ADGRV1: variants seen among roughly 807,000 people sequenced by gnomAD.
ADGRV1 encodes adhesion G protein-coupled receptor V1.
Under a neutral mutation model 596.2 loss-of-function variants are expected in ADGRV1, and 359 were observed. The ratio of observed to expected loss-of-function variants is 0.60; its 90% CI spans 0.55 to 0.66. The LOEUF (loss-of-function observed/expected upper bound fraction) is 0.66, where lower values mean the gene tolerates loss of function less well. ADGRV1 is among the 30% of genes least tolerant of loss of function. ADGRV1 has a pLI of 0.00. For synonymous variants in ADGRV1, 2,681 were observed against 2,679.2 expected, an observed-to-expected ratio of 1.00 and a Z score of -0.02; for missense variants, 7,274 against 7,575.6, an observed-to-expected ratio of 0.96 and a Z score of 1.48.
chr5:90,920,496 G>A (rs773154745), intron 83 of ADGRV1, among the ~76,000 whole-genome samples: 2 of 151,892 alleles, frequency 1.3e-5, no homozygotes, highest in African/African-American at 2.4e-5. Context: ...TTACATTCAG[G>A]TGCCCACTAG....
chr5:90,691,709 T>C (rs1305956333), intron 31 of ADGRV1, among the ~76,000 whole-genome samples: 1 of 152,182 alleles, frequency 6.6e-6, no homozygotes, highest in African/African-American at 2.4e-5. Flanking sequence ...TCTTAACTTA[T>C]ATTTATACTC....
chr5:91,107,438 T>G (rs6884273), intron 87 of ADGRV1, among the ~76,000 whole-genome samples: 1 of 147,230 alleles, frequency 6.8e-6, no homozygotes, highest in African/African-American at 2.5e-5. Context: ...TTTTTGTTTT[T>G]GTTTTTGTTT....
intron 83 of ADGRV1, among the ~76,000 whole-genome samples, chr5:90,930,529 A>T (rs895583271): frequency 6.6e-6 from 1 of 152,206 alleles, no homozygotes; most frequent in East Asian, 1.9e-4. Context: ...TGTCAATGAA[A>T]CAGTATCATT....
At chr5:90,896,474 C>G (rs774517048) in intron 83 of ADGRV1, among the ~76,000 whole-genome samples, 3 of 151,696 alleles carry the variant, frequency 2.0e-5, no homozygotes, top group Non-Finnish European at 4.4e-5. Context: ...AGGGTTTTGC[C>G]ATGTTGCCCA....
intron 89 of ADGRV1, among the ~76,000 whole-genome samples, chr5:91,157,599 T>A (rs1796578790): frequency 6.6e-6 from 1 of 152,196 alleles, no homozygotes; most frequent in African/African-American, 2.4e-5. Context: ...CAACAGAACA[T>A]GTTTTTAAAT....
chr5:90,810,799 C>T lies in ADGRV1; in HGVS notation c.15539C>T (p.Thr5180Ile), dbSNP rs1182068897. The change falls in exon 74 of 90, where the codon ACT (threonine) becomes ATT (isoleucine). Residue 5180 changes from threonine (T) to isoleucine (I), a missense_variant. Around this residue, in one of 5 missense-constraint regions of ADGRV1, gnomAD observed 1,874 missense variants for 1,970.2 expected, o/e 0.95. Transcript: ENST00000405460. ...CCAACCAACGTGGTTGCCATTGTTA[C>T]TGAGGCAACTGGTGTATCTGCCATC... The part of the protein sequence containing the change: ...LQPTNVVAIV[T>I]EATGVSAIPE... 2 of 1,613,992 alleles carry T rather than the reference C, an allele frequency of 1.2e-6. No individual in the cohort carries two copies. Among genetic ancestry groups the T allele is most frequent in the East Asian group, 4.5e-5 (2 of 44,888 alleles).
At chr5:91,114,997 A>T (rs758558259) in intron 87 of ADGRV1, among the ~76,000 whole-genome samples, 21 of 152,124 alleles carry the variant, frequency 1.4e-4, no homozygotes, top group Non-Finnish European at 2.4e-4. Context: ...CTCACTGTAA[A>T]CTAGAAAGTC....
chr5:90,678,426 G>C (rs1209317460), intron 25 of ADGRV1, among the ~76,000 whole-genome samples: 8 of 151,352 alleles, frequency 5.3e-5, no homozygotes, highest in Admixed American at 6.6e-5. Context: ...TATTGCCAAA[G>C]TACTTTATAT....
intron 77 of ADGRV1, among the ~76,000 whole-genome samples, chr5:90,839,228 G>A (rs1765225775): frequency 6.6e-6 from 1 of 151,548 alleles, no homozygotes; most frequent in South Asian, 2.1e-4. Flanking sequence ...TTTGTTTTTT[G>A]TTTTGAGATG....
intron 86 of ADGRV1, among the ~76,000 whole-genome samples, chr5:91,096,392 GATGTAATCTCA>G (rs1181857167): frequency 6.6e-6 from 1 of 152,170 alleles, no homozygotes; most frequent in African/African-American, 2.4e-5. Context: ...AAAGAGATGT[GATGTAATCTCA>G]ATGGAATCTA....
chr5:90,911,363 C>T (rs1772873684), intron 83 of ADGRV1, among the ~76,000 whole-genome samples: 1 of 152,130 alleles, frequency 6.6e-6, no homozygotes, highest in Non-Finnish European at 1.5e-5. Flanking sequence ...CATTAGGAAG[C>T]ACCAGTGTGT....
chr5:90,686,153 C>CT lies in ADGRV1; in HGVS notation c.6490+167dup, dbSNP rs61571031. ...CTTTTTCAAGGGACAAATCTAGAGT[C>CT]TTTTTTTTTGGGGGGGGGGATGGAG... is the stretch of plus-strand genomic sequence containing the variant. On this transcript the variant is annotated intron_variant, in intron 29 of 89. Coordinates refer to ENST00000405460, the MANE Select transcript of ADGRV1 (RefSeq NM_032119.4). Among the ~76,000 whole-genome samples the CT allele has an allele frequency of 0.2, 28,271 of 141,962 alleles. 3,197 individuals are homozygous for CT. The highest frequency in any genetic ancestry group is 0.4 in the East Asian group (1,918 of 4,760). 93.1% of individuals were successfully genotyped at this position (141,962 alleles called of 152,430 possible).
chr5:90,666,115 A>C (rs1771321630), intron 21 of ADGRV1, among the ~76,000 whole-genome samples: 2 of 150,994 alleles, frequency 1.3e-5, no homozygotes, highest in African/African-American at 4.9e-5. Context: ...AGAGTTCTGT[A>C]GATGTCTATT....
chr5:90,674,276 G>A, intron 23 of ADGRV1, 42 bp downstream of exon 23: 1 of 1,467,776 alleles, frequency 6.8e-7, no homozygotes, highest in Non-Finnish European at 9.1e-7. Context: ...TCTTCTCTGG[G>A]TGTACTTAGT....
rs1164565971 is a variant in ADGRV1, at chr5:90,627,466, G to C, written c.928G>C (p.Gly310Arg). ...EVSISYAVTTGNSTAHAQQNL... is the reference protein window; with the variant it reads ...EVSISYAVTTRNSTAHAQQNL... ...TTCAATCAGTTATGCTGTCACAACTGGGAATTCCACAGCACATGCCCAGCA... is the reference window on the plus strand; with the variant it reads ...TTCAATCAGTTATGCTGTCACAACTCGGAATTCCACAGCACATGCCCAGCA... The change falls in exon 7 of 90, where the codon GGG (glycine) becomes CGG (arginine). Residue 310 changes from glycine to arginine, a missense_variant. Physicochemically the swap from Gly to Arg is moderately radical, Grantham distance 125. Around this residue, in one of 5 missense-constraint regions of ADGRV1, gnomAD observed 1,715 missense variants for 1,708.8 expected, o/e 1.00. Transcript: ENST00000405460. 6.2e-7 allele frequency: 1 copy of C among 1,613,936 alleles called. No homozygotes were observed. Among genetic ancestry groups the C allele is most frequent in the Admixed American group, 1.7e-5 (1 of 60,014 alleles).
chr5:90,753,548 A>T (rs767409298), intron 53 of ADGRV1, 26 bp from the exon 54 acceptor site: 1 of 1,534,812 alleles, frequency 6.5e-7, no homozygotes, highest in Admixed American at 1.7e-5. Context: ...CAAAATAAAT[A>T]ACATCTTCTT....
chr5:90,740,692 C>T (rs1050658985), intron 50 of ADGRV1, among the ~76,000 whole-genome samples: 1 of 152,146 alleles, frequency 6.6e-6, no homozygotes, highest in African/African-American at 2.4e-5. Flanking sequence ...CTCAGGTGGT[C>T]TAGCCCTGTT....
Position 90,759,514 on chromosome 5 carries a change from G to A in ADGRV1, c.12046G>A (p.Asp4016Asn). 6.2e-7 allele frequency: 1 copy of A among 1,613,118 alleles called. No individual in the cohort carries two copies. Among genetic ancestry groups the A allele is most frequent in the Non-Finnish European group, 8.5e-7 (1 of 1,179,350 alleles). ...TGTTGCTGGAGGTGGCAGACTTGGTGATGATGTTGTGGTAACTGTTGTTAT... is the reference window on the plus strand; with the variant it reads ...TGTTGCTGGAGGTGGCAGACTTGGTAATGATGTTGTGGTAACTGTTGTTAT... ...ISVAGGGRLG[D>N]DVVVTVVIPQ... The change falls in exon 58 of 90, where the codon GAT becomes AAT. Residue 4016 changes from aspartate to asparagine, a missense_variant. Physicochemically the swap from Asp to Asn is conservative, Grantham distance 23 (BLOSUM62 1). Around this residue, in one of 5 missense-constraint regions of ADGRV1, gnomAD observed 3,643 missense variants for 3,809.2 expected, o/e 0.96. Transcript: ENST00000405460.
Position 90,706,377 on chromosome 5 carries a change from A to G in ADGRV1, c.8713A>G (p.Asn2905Asp). The change falls in exon 38 of 90, where the codon AAC becomes GAC. Residue 2905 changes from asparagine to aspartate, a missense_variant. Coordinates refer to ENST00000405460, the MANE Select transcript of ADGRV1 (RefSeq NM_032119.4). ...AGAAGGGGAAACAGCAGCAGCCATC[A>G]ACATTACCATTCTTGAGGTAAAACT... ...LEEGETAAAI[N>D]ITILEDDVPE... 1 of 1,601,128 alleles carries G rather than the reference A, an allele frequency of 6.2e-7. No homozygotes were observed.
Sources: gnomAD v4.1 joint callset for allele counts (sites outside exome capture counted in the v4.1 genomes callset) on GRCh38, gnomAD v4.1.1 for gene constraint, gnomAD v4.1.1 regional missense constraint, MANE v1.5 for transcripts, NCBI Gene and HGNC (gene_info 2026-07-23, HGNC 2026-07-21) for gene names.